TNFRSF10D: variants seen among roughly 807,000 people sequenced by gnomAD.
The protein encoded by TNFRSF10D is tumor necrosis factor receptor superfamily member 10D.
In TNFRSF10D, 28 loss-of-function variants were observed where a neutral mutation model predicts 42.1. The observed-to-expected ratio is 0.66, with a 90% CI of 0.49 to 0.91. The LOEUF (loss-of-function observed/expected upper bound fraction) is 0.91, where lower values mean the gene tolerates loss of function less well. TNFRSF10D is among the 40% of genes least tolerant of loss of function. The probability of loss-of-function intolerance (pLI) is 0.00; values close to 1 mark genes in which losing one functional copy is unlikely to be tolerated. For synonymous variants in TNFRSF10D, 186 were observed against 189.4 expected, an observed-to-expected ratio of 0.98 and a Z score of 0.15; for missense variants, 503 against 486.1, an observed-to-expected ratio of 1.03 and a Z score of -0.33.
intron 2 of TNFRSF10D, among the ~76,000 whole-genome samples, chr8:23,149,352 C>T (rs1585261862): frequency 6.6e-6 from 1 of 151,608 alleles, no homozygotes; most frequent in Admixed American, 6.6e-5. Context: ...ATTCTCCTGC[C>T]TCAGCCTCCT....
intron 2 of TNFRSF10D, 137 bp downstream of exon 2, chr8:23,154,737 G>T: frequency 1.0e-6 from 1 of 976,614 alleles, no homozygotes; most frequent in Non-Finnish European, 1.5e-6. Flanking sequence ...ACAAATACAC[G>T]ATAAGTATGT....
rs770256308 is a variant in TNFRSF10D, at chr8:23,146,930, A to G, written c.482+31T>C. On this transcript the variant is annotated intron_variant, in intron 4 of 8. Coordinates refer to ENST00000312584, the MANE Select transcript of TNFRSF10D (RefSeq NM_003840.5). Reference sequence around the variant, plus strand: ...AATCAGGTCTTTTCAGGTTCCTGAAAGCTGTTGGGAGCCCCTGGCTGCTGT... The same window carrying G: ...AATCAGGTCTTTTCAGGTTCCTGAAGGCTGTTGGGAGCCCCTGGCTGCTGT... 14 of 1,577,176 alleles carry G rather than the reference A, an allele frequency of 8.9e-6. No homozygotes were observed. In the Admixed American group the frequency reaches 2.3e-4, roughly 26 times the overall value.
In TNFRSF10D at chr8:23,146,492, T is replaced by C. The variant is rs373459577; in HGVS notation, c.482+469A>G. The stretch of plus-strand genomic sequence containing the variant: ...TGGGAACTTAAGGGAGCTCCACCCA[T>C]GGCCTTATTATGACTTTTGTGGGCT... On this transcript the variant is annotated intron_variant, in intron 4 of 8. Coordinates refer to ENST00000312584, the MANE Select transcript of TNFRSF10D (RefSeq NM_003840.5). Among the ~76,000 whole-genome samples, 128 of 152,290 alleles carry C rather than the reference T, an allele frequency of 8.4e-4. No individual in the cohort carries two copies. In the South Asian group the frequency reaches 0.014, roughly 17 times the overall value.
chr8:23,144,577 C>T lies in TNFRSF10D; in HGVS notation c.827G>A (p.Arg276His), dbSNP rs55636833. 67,171 of 1,614,106 alleles carry T rather than the reference C, an allele frequency of 0.042. 1,695 individuals carry two copies. Among genetic ancestry groups the T allele is most frequent in the Non-Finnish European group, 0.049 (57,605 of 1,180,006 alleles). Reference sequence around the variant, plus strand: ...GTATCTGTTACTCAGGGTCTCGTTGCGGGCATTGTCCTCCGCCCCAGGAAC... The same window carrying T: ...GTATCTGTTACTCAGGGTCTCGTTGTGGGCATTGTCCTCCGCCCCAGGAAC... Reference protein sequence around the residue: ...SRVPGAEDNARNETLSNRYLQ... With the variant: ...SRVPGAEDNAHNETLSNRYLQ... Residue 276 changes from arginine to histidine, a missense_variant, in exon 7 of 9, where the codon CGC becomes CAC. Physicochemically the swap from Arg to His is conservative, Grantham distance 29. Coordinates refer to ENST00000312584, the MANE Select transcript of TNFRSF10D (RefSeq NM_003840.5).
At chr8:23,163,024 C>G (rs1279643771) in intron 1 of TNFRSF10D, among the ~76,000 whole-genome samples, 1 of 149,428 alleles carries the variant, frequency 6.7e-6, no homozygotes, top group Non-Finnish European at 1.5e-5. Flanking sequence ...CGGGTTCAAG[C>G]AGTTCTCCTG....
chr8:23,150,783 G>A (rs1800203396), intron 2 of TNFRSF10D, among the ~76,000 whole-genome samples: 1 of 152,066 alleles, frequency 6.6e-6, no homozygotes, highest in Non-Finnish European at 1.5e-5. Context: ...CACAGAGAAT[G>A]TCAACAGCAG....
At chr8:23,152,143 AG>A (rs1216116520) in intron 2 of TNFRSF10D, among the ~76,000 whole-genome samples, 866 of 152,132 alleles carry the variant, frequency 5.7e-3, no homozygotes, top group African/African-American at 0.018. Context: ...AAGATGGAGA[AG>A]GATGTTAGGT....
intron 7 of TNFRSF10D, among the ~76,000 whole-genome samples, chr8:23,138,840 T>C (rs1338204014): frequency 5.9e-3 from 896 of 152,198 alleles, no homozygotes; most frequent in African/African-American, 0.019. Flanking sequence ...TAGTAAGCTG[T>C]GTTCTTGATG....
chr8:23,161,739 A>G (rs987329660), intron 1 of TNFRSF10D, among the ~76,000 whole-genome samples: 5 of 152,252 alleles, frequency 3.3e-5, no homozygotes. Context: ...AATGAAAGCT[A>G]AGTGTAACAA....
chr8:23,139,969 C>A (rs1337836127), intron 7 of TNFRSF10D, among the ~76,000 whole-genome samples: 2 of 152,088 alleles, frequency 1.3e-5, no homozygotes, highest in Non-Finnish European at 2.9e-5. Context: ...CATGGTGAAA[C>A]CCCGTCTCTA....
intron 2 of TNFRSF10D, among the ~76,000 whole-genome samples, chr8:23,154,020 A>G (rs1800241945): frequency 6.6e-6 from 1 of 152,234 alleles, no homozygotes. Context: ...CATAGACACA[A>G]TGGAATACTA....
At chr8:23,154,778 C>A in intron 2 of TNFRSF10D, 96 bp downstream of exon 2, 2 of 1,281,362 alleles carry the variant, frequency 1.6e-6, no homozygotes, top group South Asian at 1.3e-5. Context: ...TTTCACAATG[C>A]GTGCATATTT....
chr8:23,149,133 T>C (rs953865570), intron 2 of TNFRSF10D, among the ~76,000 whole-genome samples: 37 of 130,618 alleles, frequency 2.8e-4, no homozygotes, highest in Non-Finnish European at 4.8e-4. Context: ...GAGCTTGCAG[T>C]GAGCTGAGAC....
In TNFRSF10D at chr8:23,140,016, A is replaced by T. The variant is rs7465520; in HGVS notation, c.955-1756T>A. Among the ~76,000 whole-genome samples the T allele has an allele frequency of 4.9e-3, 740 of 152,030 alleles. 6 individuals carry two copies. The highest frequency in any genetic ancestry group is 8.1e-3 in the Non-Finnish European group (553 of 67,968). On this transcript the variant is annotated intron_variant, in intron 7 of 8. Transcript: ENST00000312584. ...AAAAATTAACGGGGCGTAGCTGGGT[A>T]CGGTGGCTCACGCCTGTAATCTCAG...
chr8:23,138,180 A>G lies in TNFRSF10D; in HGVS notation c.1027+8T>C, dbSNP rs752172635. On this transcript the variant is annotated splice_region_variant and intron_variant, in intron 8 of 8. Coordinates refer to ENST00000312584, the MANE Select transcript of TNFRSF10D (RefSeq NM_003840.5). The stretch of plus-strand genomic sequence containing the variant: ...CTCCTGCTGCGTCTCAAGGCACAAA[A>G]CACTTACTGTCAGCGGAGTCAGCGT... 1.9e-6 allele frequency: 3 copies of G among 1,614,032 alleles called. No individual in the cohort carries two copies. The African/African-American group carries it at 4.0e-5, about 22-fold the overall frequency.
intron 2 of TNFRSF10D, among the ~76,000 whole-genome samples, chr8:23,150,938 T>C (rs984987096): frequency 2.0e-5 from 3 of 151,704 alleles, no homozygotes; most frequent in Non-Finnish European, 4.4e-5. Context: ...CAAAACAATA[T>C]ATGCATTATG....
chr8:23,156,499 A>T (rs116385683), intron 1 of TNFRSF10D, among the ~76,000 whole-genome samples: 547 of 149,402 alleles, frequency 3.7e-3, no homozygotes, highest in African/African-American at 0.012. Flanking sequence ...TGTCTCTGTC[A>T]CCTTTCTCTG....
Position 23,147,059 on chromosome 8 carries a change from T to G in TNFRSF10D, c.384A>C (p.Lys128Asn). 1 of 1,613,714 alleles carries G rather than the reference T, an allele frequency of 6.2e-7. No individual in the cohort carries two copies. Among genetic ancestry groups the G allele is most frequent in the Non-Finnish European group, 8.5e-7 (1 of 1,179,866 alleles). The change falls in exon 4 of 9, where the codon AAA becomes AAC. Residue 128 changes from lysine (K) to asparagine (N), a missense_variant. Physicochemically the swap from Lys to Asn is moderately conservative, Grantham distance 94. Transcript: ENST00000312584. ...CTVCKSGQTN[K>N]SSCTTTRDTV... ...TGTCTCTGGTCGTGGTACAGGAACT[T>G]TTATTTGTTTGACCTGACAACAGAG... is the stretch of plus-strand genomic sequence containing the variant.
Position 23,137,200 on chromosome 8 carries a change from A to C in TNFRSF10D, c.*670T>G, listed in dbSNP as rs1814345976. 6.6e-6 allele frequency: 1 copy of C among 152,270 alleles called. No homozygotes were observed. Among genetic ancestry groups the C allele is most frequent in the Non-Finnish European group, 1.5e-5 (1 of 68,056 alleles). 9.4% of individuals were successfully genotyped at this position (152,270 alleles called of 1,614,324 possible). A position where few individuals can be genotyped will look rare whatever the true frequency, so the allele number is the denominator to read the frequency against. On this transcript the variant is annotated 3_prime_UTR_variant, in exon 9 of 9. Transcript: ENST00000312584. The stretch of plus-strand genomic sequence containing the variant: ...TCAAAACTCTAAGTCGAACCCTCGT[A>C]AGTCCATATGCTCATGACTTAGCAT...
Sources: gnomAD v4.1 joint callset for allele counts (sites outside exome capture counted in the v4.1 genomes callset) on GRCh38, gnomAD v4.1.1 for gene constraint, MANE v1.5 for transcripts, NCBI Gene and HGNC (gene_info 2026-07-23, HGNC 2026-07-21) for gene names.